ACVR1C: variants seen among roughly 807,000 people sequenced by gnomAD.
ACVR1C encodes the protein activin receptor type-1C.
A neutral mutation model predicts 57.9 loss-of-function variants in ACVR1C; 23 were observed. The ratio of observed to expected loss-of-function variants is 0.40; its 90% confidence interval spans 0.29 to 0.56. The LOEUF is 0.56. Among genes scored for constraint, ACVR1C ranks in the 20% least tolerant of loss-of-function variants. The pLI is 0.50. For missense variants in ACVR1C, 480 were observed against 607.9 expected (o/e 0.79, Z 2.21); for synonymous variants, 214 against 215.3 (o/e 0.99, Z 0.05).
chr2:157,551,369 A>G (rs146783244), intron 3 of ACVR1C, among the ~76,000 whole-genome samples: 18 of 152,342 alleles, frequency 1.2e-4, no homozygotes, highest in Non-Finnish European at 2.5e-4. Context: ...GGTTAACATT[A>G]TGTTAATCTT....
chr2:157,611,372 A>G (rs982017426), intron 1 of ACVR1C, among the ~76,000 whole-genome samples: 1 of 152,120 alleles, frequency 6.6e-6, no homozygotes, highest in Non-Finnish European at 1.5e-5. Flanking sequence ...TGTGCTGATG[A>G]CAGGAATTCC....
chr2:157,540,360 G>A (rs1000866923), intron 7 of ACVR1C, among the ~76,000 whole-genome samples: 2 of 151,836 alleles, frequency 1.3e-5, no homozygotes, highest in East Asian at 3.9e-4. Flanking sequence ...TCATTATTAA[G>A]TACATTTTTT....
At chr2:157,617,061 G>T (rs374596705) in intron 1 of ACVR1C, among the ~76,000 whole-genome samples, 2 of 151,916 alleles carry the variant, frequency 1.3e-5, no homozygotes, top group Non-Finnish European at 2.9e-5. Flanking sequence ...GTGTACAAAG[G>T]ATGCACTTTC....
intron 8 of ACVR1C, 58 bp from the exon 9 acceptor site, chr2:157,534,101 A>G (rs1687424483): frequency 7.3e-7 from 1 of 1,374,684 alleles, no homozygotes; most frequent in Admixed American, 2.9e-5. Flanking sequence ...AACAGAGCAC[A>G]AAAGAAGTAA....
intron 1 of ACVR1C, among the ~76,000 whole-genome samples, chr2:157,616,025 C>T (rs925204330): frequency 6.6e-6 from 1 of 152,120 alleles, no homozygotes; most frequent in Admixed American, 6.5e-5. Context: ...TTGGGCTCTC[C>T]GAGCTTCTGT....
intron 1 of ACVR1C, among the ~76,000 whole-genome samples, chr2:157,587,870 A>T (rs1023819665): frequency 2.6e-5 from 4 of 152,104 alleles, no homozygotes; most frequent in African/African-American, 9.7e-5. Context: ...TCCTTCCTTT[A>T]AACTTTTAAG....
intron 1 of ACVR1C, among the ~76,000 whole-genome samples, chr2:157,604,096 T>C (rs189639683): frequency 2.0e-5 from 3 of 152,226 alleles, no homozygotes; most frequent in African/African-American, 7.2e-5. Context: ...GCTGATTTCC[T>C]GATCTGTATG....
At chr2:157,541,850 A>G (rs1426044806) in intron 6 of ACVR1C, among the ~76,000 whole-genome samples, 1 of 152,162 alleles carries the variant, frequency 6.6e-6, no homozygotes, top group Admixed American at 6.5e-5. Context: ...TCTACTCTCA[A>G]GGGCCTTTAA....
intron 5 of ACVR1C, among the ~76,000 whole-genome samples, 191 bp downstream of exon 5, chr2:157,544,254 C>T (rs945633968): frequency 6.7e-6 from 1 of 148,966 alleles, no homozygotes; most frequent in Non-Finnish European, 1.5e-5. Flanking sequence ...CTATGTTGCC[C>T]AGGCTGGTCT....
chr2:157,563,937 C>T (rs149320265), intron 2 of ACVR1C, among the ~76,000 whole-genome samples: 2,535 of 152,262 alleles, frequency 0.017, 21 homozygotes, highest in Middle Eastern at 0.037. Context: ...AACTGGATCC[C>T]TTCCTTACAC....
At chr2:157,544,685 G>C (rs572762722) in intron 4 of ACVR1C, 73 bp from the exon 5 acceptor site, 4 of 1,314,164 alleles carry the variant, frequency 3.0e-6, no homozygotes, top group South Asian at 2.8e-5. Flanking sequence ...AAAAATATCA[G>C]TGTTTAATCT....
In ACVR1C at chr2:157,530,788, A is replaced by G. The variant is rs1458486582; in HGVS notation, c.*3130T>C. ...ATAAATTAAGAATTCTAGATGTGAC[A>G]TGCCAAATATTTTAGACATAGAAGA... On this transcript the variant is annotated 3_prime_UTR_variant, in exon 9 of 9. Coordinates refer to ENST00000243349, the MANE Select transcript of ACVR1C (RefSeq NM_145259.3). The G allele has an allele frequency of 6.6e-6, 1 of 152,148 alleles. No homozygotes were observed. The highest frequency in any genetic ancestry group is 1.5e-5 in the Non-Finnish European group (1 of 67,998). 9.4% of individuals were successfully genotyped at this position (152,148 alleles called of 1,614,324 possible). A position where few individuals can be genotyped will look rare whatever the true frequency, so the allele number is the denominator to read the frequency against.
chr2:157,581,788 T>C (rs1688798466), intron 2 of ACVR1C, among the ~76,000 whole-genome samples: 1 of 152,230 alleles, frequency 6.6e-6, no homozygotes, highest in Non-Finnish European at 1.5e-5. Context: ...TCTTCTACTG[T>C]GTAGTACATG....
intron 4 of ACVR1C, among the ~76,000 whole-genome samples, chr2:157,548,124 T>C (rs888404041): frequency 6.6e-5 from 10 of 151,214 alleles, no homozygotes; most frequent in Non-Finnish European, 1.3e-4. Context: ...AGCATTCTTA[T>C]ACACCAACAA....
intron 2 of ACVR1C, among the ~76,000 whole-genome samples, chr2:157,585,552 A>G (rs1688898799): frequency 6.6e-6 from 1 of 152,288 alleles, no homozygotes; most frequent in Non-Finnish European, 1.5e-5. Flanking sequence ...GTTATAGTCA[A>G]AGAATGTAGT....
At chr2:157,566,579 T>C (rs920483026) in intron 2 of ACVR1C, among the ~76,000 whole-genome samples, 8 of 151,982 alleles carry the variant, frequency 5.3e-5, no homozygotes, top group South Asian at 2.1e-4. Context: ...GTTCCCTTTC[T>C]GAGTCAAAGA....
chr2:157,560,211 T>C (rs1688202793), intron 2 of ACVR1C, among the ~76,000 whole-genome samples: 1 of 152,106 alleles, frequency 6.6e-6, no homozygotes, highest in South Asian at 2.1e-4. Flanking sequence ...AGCCTCAAGA[T>C]GAAAAGAAAA....
At chr2:157,554,255 G>GAA (rs1179535079) in intron 3 of ACVR1C, among the ~76,000 whole-genome samples, 1 of 123,688 alleles carries the variant, frequency 8.1e-6, no homozygotes, top group Non-Finnish European at 1.6e-5. Flanking sequence ...AAGAAAGAAA[G>GAA]AAAGAAAGAA....
intron 1 of ACVR1C, among the ~76,000 whole-genome samples, chr2:157,624,239 T>C (rs1240688020): frequency 6.6e-6 from 1 of 152,152 alleles, no homozygotes; most frequent in Non-Finnish European, 1.5e-5. Context: ...ATTGCTCTCT[T>C]AGGAACATGC....
Sources: gnomAD v4.1 joint callset for allele counts (sites outside exome capture counted in the v4.1 genomes callset) on GRCh38, gnomAD v4.1.1 for gene constraint, MANE v1.5 for transcripts, NCBI Gene and HGNC (gene_info 2026-07-23, HGNC 2026-07-21) for gene names.